The following FRMD1 variants were observed in gnomAD, a reference collection of about 807,000 sequenced individuals.
The protein encoded by FRMD1 is FERM domain-containing protein 1.
In FRMD1, 51 loss-of-function variants were observed where a neutral mutation model predicts 54.9. That is an observed-to-expected ratio of 0.93 (90% CI 0.74 to 1.17). The LOEUF (loss-of-function observed/expected upper bound fraction) is 1.17, where lower values mean the gene tolerates loss of function less well. Ranked by LOEUF, FRMD1 falls within the 50% of genes most tolerant of loss-of-function variation. The probability of loss-of-function intolerance (pLI) is 0.00; values close to 1 mark genes in which losing one functional copy is unlikely to be tolerated. For missense variants in FRMD1, 729 were observed against 743.0 expected (o/e 0.98, Z 0.22); for synonymous variants, 324 against 306.4 (o/e 1.06, Z -0.60).
At chr6:168,060,714 G>T (rs1316581941) in intron 9 of FRMD1, 47 bp downstream of exon 9, 5 of 1,566,760 alleles carry the variant, frequency 3.2e-6, no homozygotes, top group Non-Finnish European at 4.3e-6. Context: ...GGGCTGGCTG[G>T]ACCACACTCA....
intron 8 of FRMD1, among the ~76,000 whole-genome samples, chr6:168,061,425 G>A (rs1441087548): frequency 1.3e-5 from 2 of 151,908 alleles, no homozygotes; most frequent in African/African-American, 2.4e-5. Flanking sequence ...GCCAGGCCTT[G>A]TGCTCAGGTG....
chr6:168,066,905 G>C (rs1276036536), intron 3 of FRMD1, 74 bp from the exon 4 acceptor site: 12 of 1,575,254 alleles, frequency 7.6e-6, no homozygotes, highest in Middle Eastern at 1.7e-4. Flanking sequence ...TTCCCAGTTG[G>C]GGGGGCCTGG....
In FRMD1 at chr6:168,062,000, A is replaced by C; in HGVS notation, c.871-19T>G. On this transcript the variant is annotated intron_variant, in intron 7 of 10. Transcript: ENST00000283309. ...TCTTTCCCTGAGCAAACAGGAGAGA[A>C]GTTGCCACTCCACAGGTGGAAAACC... 1 of 1,578,318 alleles carries C rather than the reference A, an allele frequency of 6.3e-7. No homozygotes were observed.
At chr6:168,079,296 G>T (rs979534987), upstream of FRMD1, 5 of 986,362 alleles carry the variant, frequency 5.1e-6, no homozygotes, top group African/African-American at 6.6e-5. Context: ...TGTGGAGGGC[G>T]CCAGGAATGC....
rs184747513 is a variant in FRMD1 at position 168,065,823 on chromosome 6, C to T, written c.462-766G>A. 118 of 999,844 alleles carry T rather than the reference C, an allele frequency of 1.2e-4. 1 individual carries two copies. In the East Asian group the frequency reaches 2.0e-3, roughly 17 times the overall value. The allele number at this position is 999,844 out of a possible 1,614,324, so 61.9% of individuals were successfully genotyped here. The stretch of plus-strand genomic sequence containing the variant: ...CCGCACACATGCCTTTTGGAACTGG[C>T]AGGGATTGTGCCTGCTTAGGGAATT... On this transcript the variant is annotated intron_variant, in intron 4 of 10. Coordinates refer to ENST00000283309, the MANE Select transcript of FRMD1 (RefSeq NM_024919.6).
At position 168,057,256 on chromosome 6, in the gene FRMD1, G is replaced by C. The variant is rs1228492950; in HGVS notation, c.1491C>G (p.His497Gln). The C allele has an allele frequency of 6.2e-7, 1 of 1,611,320 alleles. No homozygotes were observed. ...TATGGCTGAGTGAGGTGGGCGCTGG[G>C]TGCAGGGCCAGCTGGTGCAGCTGCA... ...DDMQLHQLAL[H>Q]PAPTSLSHTF... The change falls in exon 11 of 11, where the codon CAC becomes CAG. Residue 497 changes from histidine (H) to glutamine (Q), a missense_variant. By Grantham distance (24) the His-to-Gln change is conservative. Transcript: ENST00000283309.
intron 1 of FRMD1, among the ~76,000 whole-genome samples, chr6:168,088,764 C>A (rs147019726): frequency 0.012 from 1,785 of 152,270 alleles, 22 homozygotes; most frequent in Middle Eastern, 0.024. Context: ...CTGTCCCCTG[C>A]ACACAGCACC....
chr6:168,064,978 C>T lies in FRMD1; in HGVS notation c.541G>A (p.Ala181Thr). The T allele has an allele frequency of 1.2e-6, 2 of 1,612,038 alleles. No individual in the cohort carries two copies. The highest frequency in any genetic ancestry group is 1.7e-6 in the Non-Finnish European group (2 of 1,179,902). Reference protein sequence around the residue: ...LRSQCAHREEAYFLLAACALQ... With the variant: ...LRSQCAHREETYFLLAACALQ... The stretch of plus-strand genomic sequence containing the variant: ...GCGCAGGCAGCCAGCAGGAAGTAGG[C>T]TTCCTCCCGGTGAGCGCACTGTGAC... The change falls in exon 5 of 11, where the codon GCC becomes ACC. Residue 181 changes from alanine (A) to threonine (T), a missense_variant. Physicochemically the swap from Ala to Thr is moderately conservative, Grantham distance 58 (BLOSUM62 0). Transcript: ENST00000283309.
intron 10 of FRMD1, among the ~76,000 whole-genome samples, 184 bp downstream of exon 10, chr6:168,058,940 C>T (rs1293809377): frequency 1.3e-5 from 2 of 152,182 alleles, no homozygotes; most frequent in African/African-American, 2.4e-5. Flanking sequence ...CCTCCACCCA[C>T]GTCCACCTGC....
upstream of FRMD1, chr6:168,081,467 G>A (rs1800829163): frequency 9.1e-6 from 14 of 1,535,548 alleles, no homozygotes; most frequent in Non-Finnish European, 1.2e-5. Context: ...CCACCGCCCA[G>A]ATCTCCTCAT....
rs1799436534 is a variant in FRMD1 at position 168,057,020 on chromosome 6, G to T, written c.*77C>A. On this transcript the variant is annotated 3_prime_UTR_variant, in exon 11 of 11. Transcript: ENST00000283309. Reference sequence around the variant, plus strand: ...CAGGCAGCATCTGGCGGGCAGGAAGGGACGAGGGCCATGTGGAAGTGGGGT... The same window carrying T: ...CAGGCAGCATCTGGCGGGCAGGAAGTGACGAGGGCCATGTGGAAGTGGGGT... 14 of 1,408,998 alleles carry T rather than the reference G, an allele frequency of 9.9e-6. No individual in the cohort carries two copies. The highest frequency in any genetic ancestry group is 1.3e-5 in the Non-Finnish European group (14 of 1,078,504). 87.3% of individuals were successfully genotyped at this position (1,408,998 alleles called of 1,614,324 possible). A position where few individuals can be genotyped will look rare whatever the true frequency, so the allele number is the denominator to read the frequency against.
rs375053832 is a variant in FRMD1 at position 168,079,118 on chromosome 6, C to G, written c.-24G>C. On this transcript the variant is annotated 5_prime_UTR_variant, in exon 1 of 11. Coordinates refer to ENST00000283309, the MANE Select transcript of FRMD1 (RefSeq NM_024919.6). ...ATGCTGTCGTTACTCGGCCCTCCCC[C>G]GCCATGGGTCGCAGGTGGGTGCTCA... The G allele has an allele frequency of 1.3e-6, 2 of 1,568,884 alleles. No homozygotes were observed. The highest frequency in any genetic ancestry group is 1.7e-6 in the Non-Finnish European group (2 of 1,161,398).
chr6:168,067,245 C>T (rs983066603), intron 3 of FRMD1, 122 bp downstream of exon 3: 20 of 695,262 alleles, frequency 2.9e-5, no homozygotes, highest in Non-Finnish European at 4.4e-5. Context: ...TCCCAACCCA[C>T]GCATCCCCGC....
At position 168,062,567 on chromosome 6, in the gene FRMD1, G is replaced by A. The variant is rs1583174158; in HGVS notation, c.870+327C>T. ...GATGCCCCCGAGAGGCCGGCAGGAA[G>A]GGACCTGCACCTCTTCGGGTGCAGA... On this transcript the variant is annotated intron_variant, in intron 7 of 10. Coordinates refer to ENST00000283309, the MANE Select transcript of FRMD1 (RefSeq NM_024919.6). 2.8e-5 allele frequency: 33 copies of A among 1,174,456 alleles called. No homozygotes were observed. In the East Asian group the frequency reaches 8.5e-4, roughly 30 times the overall value. The allele number at this position is 1,174,456 out of a possible 1,614,324, so 72.8% of individuals were successfully genotyped here. A position where few individuals can be genotyped will look rare whatever the true frequency, so the allele number is the denominator to read the frequency against.
upstream of FRMD1, among the ~76,000 whole-genome samples, chr6:168,086,273 C>T (rs75919143): frequency 0.059 from 8,916 of 151,134 alleles, 305 homozygotes; most frequent in South Asian, 0.089. Context: ...TGGACACCCG[C>T]GTCCCCAGCA....
rs760505746 is a variant in FRMD1 at position 168,064,933 on chromosome 6, C to T, written c.586G>A (p.Glu196Lys). 1.4e-5 allele frequency: 22 copies of T among 1,608,762 alleles called. No individual in the cohort carries two copies. Among genetic ancestry groups the T allele is most frequent in the South Asian group, 6.6e-5 (6 of 90,322 alleles). Residue 196 changes from glutamate to lysine, a missense_variant, in exon 5 of 11, where the codon GAG (glutamate) becomes AAG (lysine). By Grantham distance (56) the Glu-to-Lys change is moderately conservative. Coordinates refer to ENST00000283309, the MANE Select transcript of FRMD1 (RefSeq NM_024919.6). ...AACALQADLG[E>K]HRESAHAGRY... The stretch of plus-strand genomic sequence containing the variant: ...CCGGCATGGGCCGACTCCCGGTGCT[C>T]GCCCAGGTCAGCCTGCAGCGCGCAG...
chr6:168,061,899 C>T lies in FRMD1; in HGVS notation c.953G>A (p.Arg318Lys), dbSNP rs751004104. The T allele has an allele frequency of 6.3e-7, 1 of 1,596,184 alleles. No homozygotes were observed. Among genetic ancestry groups the T allele is most frequent in the Non-Finnish European group, 8.5e-7 (1 of 1,172,760 alleles). The change falls in exon 8 of 11, where the codon AGG becomes AAG. Residue 318 changes from arginine to lysine, a missense_variant. Coordinates refer to ENST00000283309, the MANE Select transcript of FRMD1 (RefSeq NM_024919.6). The part of the protein sequence containing the change: ...VYYTGCTWRS[R>K]HLLHLLRASH... ...GGCGCGCAGCAGGTGCAGCAGGTGC[C>T]TGGACCGCCAGGTGCACCCCGTGTA...
intron 1 of FRMD1, among the ~76,000 whole-genome samples, chr6:168,092,381 G>C (rs9355053): frequency 0.41 from 62,649 of 151,980 alleles, 13,714 homozygotes; most frequent in East Asian, 0.63. Context: ...AAATTCTCAC[G>C]CGAGGGGGAT....
chr6:168,066,655 A>T, intron 4 of FRMD1, 100 bp downstream of exon 4: 2 of 1,456,112 alleles, frequency 1.4e-6, no homozygotes, highest in African/African-American at 1.4e-5. Context: ...TTGTTTTTGG[A>T]TAAACTCAAA....
Sources: allele counts gnomAD v4.1 joint callset (sites outside exome capture counted in the v4.1 genomes callset), GRCh38; gene constraint gnomAD v4.1.1; transcripts MANE v1.5; gene names NCBI Gene and HGNC (gene_info 2026-07-23, HGNC 2026-07-21).